Variants in HCK observed in about 807,000 individuals in gnomAD.
HCK encodes the protein tyrosine-protein kinase HCK.
Under a neutral mutation model 70.4 loss-of-function variants are expected in HCK, and 40 were observed. That is an observed-to-expected ratio of 0.57 (90% CI 0.44 to 0.74). The LOEUF is 0.74. HCK is among the 30% of genes least tolerant of loss of function. The pLI is 0.00. For synonymous variants in HCK, 245 were observed against 263.2 expected, an observed-to-expected ratio of 0.93 and a Z score of 0.67; for missense variants, 568 against 697.2, an observed-to-expected ratio of 0.81 and a Z score of 2.09.
At chr20:32,094,815 A>AAGAGAAAG (rs1170437903) in intron 11 of HCK, among the ~76,000 whole-genome samples, 1 of 138,784 alleles carries the variant, frequency 7.2e-6, no homozygotes, top group Non-Finnish European at 1.6e-5. Context: ...GAAAGAAAGA[A>AAGAGAAAG]AGAAAGAAAG....
chr20:32,088,525 A>C (rs1305950934), intron 9 of HCK, 43 bp from the exon 10 acceptor site: 1 of 1,495,380 alleles, frequency 6.7e-7, no homozygotes, highest in East Asian at 2.3e-5. Context: ...TTTGCCATTA[A>C]ATAGTAAAAG....
At chr20:32,099,401 A>G (rs946672398) in intron 12 of HCK, among the ~76,000 whole-genome samples, 2 of 120,656 alleles carry the variant, frequency 1.7e-5, no homozygotes, top group African/African-American at 6.8e-5. Context: ...TCTGTCACCC[A>G]GGCTGGAGTG....
intron 2 of HCK, 70 bp downstream of exon 2, chr20:32,071,852 C>T: frequency 6.4e-7 from 1 of 1,563,806 alleles, no homozygotes; most frequent in Non-Finnish European, 8.7e-7. Flanking sequence ...TAACAGCCTC[C>T]TGTCTTCCCA....
intron 1 of HCK, among the ~76,000 whole-genome samples, chr20:32,060,785 A>G (rs1268117126): frequency 6.6e-6 from 1 of 152,174 alleles, no homozygotes; most frequent in Non-Finnish European, 1.5e-5. Flanking sequence ...TAAATGTGCA[A>G]GAAATTTATT....
At chr20:32,065,796 G>C (rs867287861) in intron 1 of HCK, among the ~76,000 whole-genome samples, 3 of 152,156 alleles carry the variant, frequency 2.0e-5, no homozygotes, top group African/African-American at 7.2e-5. Flanking sequence ...GGGTGGGATC[G>C]GCCCCACCAA....
intron 1 of HCK, among the ~76,000 whole-genome samples, chr20:32,070,750 G>A (rs916493623): frequency 7.2e-5 from 11 of 152,050 alleles, no homozygotes; most frequent in Non-Finnish European, 1.5e-4. Context: ...TCCTGAGGGC[G>A]TGAACTTGCT....
At position 32,084,344 on chromosome 20, in the gene HCK, C is replaced by A. The variant is rs1200149965; in HGVS notation, c.683-47C>A. 2.6e-6 allele frequency: 4 copies of A among 1,565,732 alleles called. No homozygotes were observed. In the African/African-American group the frequency reaches 5.4e-5, roughly 21 times the overall value. On this transcript the variant is annotated intron_variant, in intron 7 of 12. Transcript: ENST00000375852. ...GCGGCCTCCAAGGAGCAACCTCTGGCTGGCTCGGTGCTTGTTGCTCTCAAT... is the reference window on the plus strand; with the variant it reads ...GCGGCCTCCAAGGAGCAACCTCTGGATGGCTCGGTGCTTGTTGCTCTCAAT...
chr20:32,062,958 C>T (rs1028841501), intron 1 of HCK, among the ~76,000 whole-genome samples: 1 of 152,150 alleles, frequency 6.6e-6, no homozygotes, highest in African/African-American at 2.4e-5. Flanking sequence ...GCCCTGGGCC[C>T]CCAGCGGTCT....
chr20:32,062,749 A>G (rs1220483414), intron 1 of HCK, among the ~76,000 whole-genome samples: 1 of 152,214 alleles, frequency 6.6e-6, no homozygotes, highest in Admixed American at 6.5e-5. Flanking sequence ...CTAACTGTCT[A>G]TTAGGGACAG....
intron 10 of HCK, among the ~76,000 whole-genome samples, chr20:32,090,268 A>G (rs1171297229): frequency 6.6e-6 from 1 of 152,180 alleles, no homozygotes; most frequent in Non-Finnish European, 1.5e-5. Context: ...AAACAAACCA[A>G]GGGAGGAAAA....
chr20:32,056,542 C>CT (rs2045275704), intron 1 of HCK, among the ~76,000 whole-genome samples: 1 of 151,874 alleles, frequency 6.6e-6, no homozygotes, highest in Admixed American at 6.6e-5. Flanking sequence ...GTAGTTCTAT[C>CT]TTTAACTTTT....
intron 11 of HCK, among the ~76,000 whole-genome samples, chr20:32,096,113 CTGA>C (rs1485926347): frequency 6.6e-6 from 1 of 151,488 alleles, no homozygotes; most frequent in African/African-American, 2.4e-5. Context: ...TGGTCTCGAA[CTGA>C]TGACCTCAAG....
intron 11 of HCK, among the ~76,000 whole-genome samples, chr20:32,095,764 A>G (rs1323162062): frequency 5.9e-5 from 9 of 152,190 alleles, no homozygotes; most frequent in Non-Finnish European, 8.8e-5. Flanking sequence ...TGTGAATTCT[A>G]TCTCGATAAA....
intron 1 of HCK, among the ~76,000 whole-genome samples, chr20:32,052,785 G>GGGA (rs1555873104): frequency 7.8e-6 from 1 of 128,586 alleles, no homozygotes; most frequent in African/African-American, 3.5e-5. Flanking sequence ...CCCTTCTTGG[G>GGGA]GGGGGGCGGG....
At chr20:32,085,292 C>G (rs1396402902) in intron 8 of HCK, among the ~76,000 whole-genome samples, 1 of 152,182 alleles carries the variant, frequency 6.6e-6, no homozygotes, top group Non-Finnish European at 1.5e-5. Context: ...GCAAGTGGAT[C>G]AATCAAGGTC....
intron 9 of HCK, among the ~76,000 whole-genome samples, chr20:32,087,116 G>T (rs537954864): frequency 6.6e-6 from 1 of 152,304 alleles, no homozygotes; most frequent in East Asian, 1.9e-4. Flanking sequence ...AGAGGCCAGG[G>T]TGTGGCATGG....
intron 11 of HCK, among the ~76,000 whole-genome samples, chr20:32,097,560 A>G (rs1393927122): frequency 6.6e-6 from 1 of 152,162 alleles, no homozygotes; most frequent in Non-Finnish European, 1.5e-5. Flanking sequence ...AGCCTGGGCA[A>G]ACAGAGCGAG....
chr20:32,071,571 G>A (rs1388915971), intron 1 of HCK, 91 bp from the exon 2 acceptor site: 7 of 1,524,858 alleles, frequency 4.6e-6, no homozygotes, highest in Admixed American at 1.8e-5. Context: ...GAGCCAGCCC[G>A]GGGGCAGGGG....
chr20:32,055,087 G>A (rs1257331302), intron 1 of HCK, among the ~76,000 whole-genome samples: 6 of 152,232 alleles, frequency 3.9e-5, no homozygotes, highest in Admixed American at 3.9e-4. Context: ...CATCCTGGAT[G>A]TGTAGCTTTC....
Sources: gnomAD v4.1 joint callset for allele counts (sites outside exome capture counted in the v4.1 genomes callset) on GRCh38, gnomAD v4.1.1 for gene constraint, MANE v1.5 for transcripts, NCBI Gene and HGNC (gene_info 2026-07-23, HGNC 2026-07-21) for gene names.